ADAT2: variants seen among roughly 807,000 people sequenced by gnomAD.
ADAT2 encodes the protein adenosine deaminase tRNA specific 2.
Under a neutral mutation model 25.9 loss-of-function variants are expected in ADAT2, and 26 were observed. The ratio of observed to expected loss-of-function variants is 1.00; its 90% CI spans 0.74 to 1.39. The LOEUF is 1.39. Among genes scored for constraint, ADAT2 ranks in the 40% most tolerant of loss-of-function variants. The pLI is 0.00. For missense variants in ADAT2, 220 were observed against 244.8 expected, an observed-to-expected ratio of 0.90 and a Z score of 0.68; for synonymous variants, 76 against 86.8, an observed-to-expected ratio of 0.88 and a Z score of 0.69.
rs1159868178 is a variant in ADAT2, at chr6:143,424,099, T to C, written c.*4364A>G. On this transcript the variant is annotated 3_prime_UTR_variant, in exon 6 of 6. Transcript: ENST00000237283. The surrounding 1 kb of genome is among the most constrained non-coding windows in gnomAD (Gnocchi z 4.8). ...TGAAGAAAATGTAAGATCCTAAAGA[T>C]GTCAAACTTTCAGCAGAACTCACCA... is the stretch of plus-strand genomic sequence containing the variant. The C allele has an allele frequency of 7.5e-6, 1 of 134,226 alleles. No homozygotes were observed. Among genetic ancestry groups the C allele is most frequent in the African/African-American group, 2.9e-5 (1 of 34,070 alleles). The allele number at this position is 134,226 out of a possible 1,614,324, so 8.3% of individuals were successfully genotyped here. A position where few individuals can be genotyped will look rare whatever the true frequency, so the allele number is the denominator to read the frequency against.
chr6:143,450,584 C>A lies in ADAT2; in HGVS notation c.75G>T (p.Trp25Cys), dbSNP rs1457954861. ...CSVSAEETEK[W>C]MEEAMHMAKE... ...TCACCATGTGCATCGCCTCCTCCAT[C>A]CACTTTTCGGTCTCCTCTGCCGACA... The change falls in exon 1 of 6, where the codon TGG becomes TGT. Residue 25 changes from tryptophan (W) to cysteine (C), a missense_variant. Coordinates refer to ENST00000237283, the MANE Select transcript of ADAT2 (RefSeq NM_182503.3). 6.2e-7 allele frequency: 1 copy of A among 1,614,062 alleles called. No individual in the cohort carries two copies. The highest frequency in any genetic ancestry group is 8.5e-7 in the Non-Finnish European group (1 of 1,180,058).
chr6:143,450,077 C>G (rs986354761), intron 1 of ADAT2, among the ~76,000 whole-genome samples: 1 of 152,092 alleles, frequency 6.6e-6, no homozygotes, highest in Non-Finnish European at 1.5e-5. Flanking sequence ...TTTCGCAGTC[C>G]TGAAGGGAGT....
At chr6:143,447,155 C>T (rs1027203035) in intron 1 of ADAT2, among the ~76,000 whole-genome samples, 7 of 152,196 alleles carry the variant, frequency 4.6e-5, no homozygotes, top group East Asian at 1.9e-4. Flanking sequence ...CTGTCCAATA[C>T]GGTAGCCAGT....
Position 143,428,754 on chromosome 6 carries a change from C to A in ADAT2, c.460-70G>T. ...TGTGTGCTGTATCCCATAAAAACAA[C>A]ATATATATACATGATTATGTAAACA... On this transcript the variant is annotated intron_variant, in intron 4 of 5. Transcript: ENST00000237283. This position sits in a 1 kb window ranked among gnomAD's most constrained non-coding sequence, Gnocchi z 5.0. The A allele has an allele frequency of 7.4e-7, 1 of 1,345,808 alleles. No homozygotes were observed. Among genetic ancestry groups the A allele is most frequent in the Non-Finnish European group, 1.0e-6 (1 of 959,362 alleles). 83.4% of individuals were successfully genotyped at this position (1,345,808 alleles called of 1,614,324 possible). A position where few individuals can be genotyped will look rare whatever the true frequency, so the allele number is the denominator to read the frequency against.
rs1583974331 is a variant in ADAT2 at position 143,432,425 on chromosome 6, C to A, written c.459+80G>T. On this transcript the variant is annotated intron_variant, in intron 4 of 5. Coordinates refer to ENST00000237283, the MANE Select transcript of ADAT2 (RefSeq NM_182503.3). This position sits in a 1 kb window ranked among gnomAD's most constrained non-coding sequence, Gnocchi z 4.4. Reference sequence around the variant, plus strand: ...CTATCATCGTTTCTTCGTATACTGGCCACACACTAGTTATTCACAAGCCCA... The same window carrying A: ...CTATCATCGTTTCTTCGTATACTGGACACACACTAGTTATTCACAAGCCCA... 1.6e-6 allele frequency: 2 copies of A among 1,282,158 alleles called. No homozygotes were observed. The highest frequency in any genetic ancestry group is 1.5e-5 in the African/African-American group (1 of 67,444). The allele number at this position is 1,282,158 out of a possible 1,614,324, so 79.4% of individuals were successfully genotyped here. A position where few individuals can be genotyped will look rare whatever the true frequency, so the allele number is the denominator to read the frequency against.
rs558072927 is a variant in ADAT2 at position 143,444,936 on chromosome 6, C to T, written c.96+5627G>A. 7.7e-7 allele frequency: 1 copy of T among 1,303,156 alleles called. No individual in the cohort carries two copies. Among genetic ancestry groups the T allele is most frequent in the African/African-American group, 1.5e-5 (1 of 65,874 alleles). 80.7% of individuals were successfully genotyped at this position (1,303,156 alleles called of 1,614,324 possible). On this transcript the variant is annotated intron_variant, in intron 1 of 5. Transcript: ENST00000237283. This position sits in a 1 kb window ranked among gnomAD's most constrained non-coding sequence, Gnocchi z 4.3. Reference sequence around the variant, plus strand: ...GAGAGATGGAAACAGACCTTGTTTGCACACAGTTTGATGAGTCCTTAAAGA... The same window carrying T: ...GAGAGATGGAAACAGACCTTGTTTGTACACAGTTTGATGAGTCCTTAAAGA...
intron 1 of ADAT2, among the ~76,000 whole-genome samples, chr6:143,439,586 C>T (rs1779398370): frequency 6.6e-6 from 1 of 152,146 alleles, no homozygotes; most frequent in Non-Finnish European, 1.5e-5. Flanking sequence ...CACACAAAAG[C>T]ACACATACTA....
At position 143,444,230 on chromosome 6, in the gene ADAT2, C is replaced by CA. The variant is rs1408826415; in HGVS notation, c.97-5537dup. Among the ~76,000 whole-genome samples the CA allele has an allele frequency of 1.3e-5, 2 of 152,038 alleles. No homozygotes were observed. The highest frequency in any genetic ancestry group is 6.6e-5 in the Admixed American group (1 of 15,258). On this transcript the variant is annotated intron_variant, in intron 1 of 5. Coordinates refer to ENST00000237283, the MANE Select transcript of ADAT2 (RefSeq NM_182503.3). This position sits in a 1 kb window ranked among gnomAD's most constrained non-coding sequence, Gnocchi z 4.3. Reference sequence around the variant, plus strand: ...AAATGCCTTCCACTGCTGTCCGAAACAGAGAGCAAATATGAGCGATCGGAA... The same window carrying CA: ...AAATGCCTTCCACTGCTGTCCGAAACAAGAGAGCAAATATGAGCGATCGGAA...
Position 143,432,377 on chromosome 6 carries a change from C to T in ADAT2, c.459+128G>A. On this transcript the variant is annotated intron_variant, in intron 4 of 5. Transcript: ENST00000237283. The surrounding 1 kb of genome is among the most constrained non-coding windows in gnomAD (Gnocchi z 4.4). ...GGCATAAATGAACTCCACCAGAGGC[C>T]CTGAGATCAAAGATGTCTGATTCTA... 1.2e-6 allele frequency: 1 copy of T among 831,992 alleles called. No individual in the cohort carries two copies. The highest frequency in any genetic ancestry group is 1.7e-5 in the South Asian group (1 of 60,048). The allele number at this position is 831,992 out of a possible 1,614,324, so 51.5% of individuals were successfully genotyped here.
Position 143,447,650 on chromosome 6 carries a change from A to G in ADAT2, c.96+2913T>C, listed in dbSNP as rs189358195. Among the ~76,000 whole-genome samples, 8 of 152,344 alleles carry G rather than the reference A, an allele frequency of 5.3e-5. No homozygotes were observed. In the East Asian group the frequency reaches 1.5e-3, roughly 29 times the overall value. On this transcript the variant is annotated intron_variant, in intron 1 of 5. Transcript: ENST00000237283. ...GACCATGAATTATTTACATAACCAG[A>G]AAAAGAAAACATTAAAATATTTTCA...
rs760375577 is a variant in ADAT2 at position 143,438,654 on chromosome 6, C to T, written c.137G>A (p.Cys46Tyr). 5.6e-6 allele frequency: 9 copies of T among 1,613,524 alleles called. No individual in the cohort carries two copies. The highest frequency in any genetic ancestry group is 7.6e-6 in the Non-Finnish European group (9 of 1,179,534). ...AACTTCATTGTTGTAGACCATAAGA[C>T]AGCCAACAGGAACTTCAGTATTTTC... ...ALENTEVPVG[C>Y]LMVYNNEVVG... Residue 46 changes from cysteine to tyrosine, a missense_variant, in exon 2 of 6, where the codon TGT becomes TAT. Physicochemically the swap from Cys to Tyr is radical, Grantham distance 194. Transcript: ENST00000237283.
rs1245174468 is a variant in ADAT2 at position 143,428,897 on chromosome 6, C to T, written c.460-213G>A. 6.6e-6 allele frequency among the ~76,000 whole-genome samples: 1 copy of T among 152,156 alleles called. No individual in the cohort carries two copies. The highest frequency in any genetic ancestry group is 1.5e-5 in the Non-Finnish European group (1 of 68,022). ...CTCCCAATCAACTGTTATTAGGCAT[C>T]ACTCCCAATCAACTGTTATTCATCC... is the stretch of plus-strand genomic sequence containing the variant. On this transcript the variant is annotated intron_variant, in intron 4 of 5. Coordinates refer to ENST00000237283, the MANE Select transcript of ADAT2 (RefSeq NM_182503.3). This position sits in a 1 kb window ranked among gnomAD's most constrained non-coding sequence, Gnocchi z 5.0.
rs1779327339 is a variant in ADAT2 at position 143,437,564 on chromosome 6, AT to A, written c.201+1025del. ...CCAGTTTATTTTACTGTGGTGTTTT[AT>A]TTTTTTGGTTGTACAGAAGTTACGT... On this transcript the variant is annotated intron_variant, in intron 2 of 5. Coordinates refer to ENST00000237283, the MANE Select transcript of ADAT2 (RefSeq NM_182503.3). The surrounding 1 kb of genome is among the most constrained non-coding windows in gnomAD (Gnocchi z 4.1). Among the ~76,000 whole-genome samples the A allele has an allele frequency of 6.6e-6, 1 of 152,056 alleles. No homozygotes were observed. The highest frequency in any genetic ancestry group is 1.5e-5 in the Non-Finnish European group (1 of 67,960).
Position 143,432,354 on chromosome 6 carries a change from C to A in ADAT2, c.459+151G>T. 1 of 681,028 alleles carries A rather than the reference C, an allele frequency of 1.5e-6. No individual in the cohort carries two copies. The highest frequency in any genetic ancestry group is 2.5e-6 in the Non-Finnish European group (1 of 398,944). The allele number at this position is 681,028 out of a possible 1,614,324, so 42.2% of individuals were successfully genotyped here. On this transcript the variant is annotated intron_variant, in intron 4 of 5. Coordinates refer to ENST00000237283, the MANE Select transcript of ADAT2 (RefSeq NM_182503.3). This position sits in a 1 kb window ranked among gnomAD's most constrained non-coding sequence, Gnocchi z 4.4. The stretch of plus-strand genomic sequence containing the variant: ...TCTTCCCTGTCATCTTATACTGAGG[C>A]ATAAATGAACTCCACCAGAGGCCCT...
chr6:143,428,556 C>A lies in ADAT2; in HGVS notation c.533-50G>T. 1 of 1,612,304 alleles carries A rather than the reference C, an allele frequency of 6.2e-7. No individual in the cohort carries two copies. The highest frequency in any genetic ancestry group is 8.5e-7 in the Non-Finnish European group (1 of 1,178,620). On this transcript the variant is annotated intron_variant, in intron 5 of 5. Transcript: ENST00000237283. This position sits in a 1 kb window ranked among gnomAD's most constrained non-coding sequence, Gnocchi z 5.0. The stretch of plus-strand genomic sequence containing the variant: ...AGAAAATGAAGAGGTAAGCTCATAG[C>A]AGATTCTCTTTGTATGGATTTAAGG...
intron 2 of ADAT2, among the ~76,000 whole-genome samples, chr6:143,435,655 T>A (rs1562639775): frequency 6.6e-6 from 1 of 152,230 alleles, no homozygotes. Context: ...TAAATAAGTA[T>A]CTATACATTC....
chr6:143,426,069 A>C lies in ADAT2; in HGVS notation c.*2394T>G, dbSNP rs1778926237. ...CTTCTAAATGTAATCATTTCCCCCT[A>C]ATTTCTCTCAACAGGGCAGTGATTC... On this transcript the variant is annotated 3_prime_UTR_variant, in exon 6 of 6. Transcript: ENST00000237283. The surrounding 1 kb of genome is among the most constrained non-coding windows in gnomAD (Gnocchi z 4.1). 3 of 152,222 alleles carry C rather than the reference A, an allele frequency of 2.0e-5. No individual in the cohort carries two copies. The highest frequency in any genetic ancestry group is 2.0e-4 in the Admixed American group (3 of 15,266). 9.4% of individuals were successfully genotyped at this position (152,222 alleles called of 1,614,324 possible).
intron 1 of ADAT2, among the ~76,000 whole-genome samples, chr6:143,443,048 T>G (rs186005342): frequency 1.8e-3 from 272 of 152,330 alleles, no homozygotes; most frequent in African/African-American, 6.3e-3. Flanking sequence ...CTTACTTTGA[T>G]CCAGGACTAA....
At chr6:143,441,827 A>G (rs1048302667) in intron 1 of ADAT2, 2 of 152,220 alleles carry the variant, frequency 1.3e-5, no homozygotes, top group African/African-American at 4.8e-5. Flanking sequence ...CGGTAGAGAA[A>G]TGTCAACTAA....
Sources: allele counts gnomAD v4.1 joint callset (sites outside exome capture counted in the v4.1 genomes callset), GRCh38; gene constraint gnomAD v4.1.1; non-coding constraint Gnocchi (gnomAD v3.1); transcripts MANE v1.5; gene names NCBI Gene and HGNC (gene_info 2026-07-23, HGNC 2026-07-21).